Variants in ADGRV1 observed in about 807,000 individuals in gnomAD.
ADGRV1 encodes the protein G-protein coupled receptor 98.
ADGRV1 carries 359 observed loss-of-function variants against 596.2 expected under a neutral mutation model. That is an observed-to-expected ratio of 0.60 (90% CI 0.55 to 0.66). The LOEUF (loss-of-function observed/expected upper bound fraction) is 0.66. ADGRV1 is among the 30% of genes least tolerant of loss of function. ADGRV1 has a pLI of 0.00. For missense variants in ADGRV1, 7,274 were observed against 7,575.6 expected (o/e 0.96, Z 1.48); for synonymous variants, 2,681 against 2,679.2 (o/e 1.00, Z -0.02).
chr5:90,796,520 G>A (rs1256310681), intron 70 of ADGRV1, among the ~76,000 whole-genome samples: 3 of 152,200 alleles, frequency 2.0e-5, no homozygotes, highest in Non-Finnish European at 4.4e-5. Flanking sequence ...AAGTGACAGG[G>A]AGAATGGAAC....
intron 74 of ADGRV1, among the ~76,000 whole-genome samples, chr5:90,814,827 C>T (rs1326569617): frequency 4.6e-5 from 7 of 152,216 alleles, no homozygotes; most frequent in African/African-American, 1.7e-4. Flanking sequence ...GCTTTAGGAT[C>T]ATTGCTTCTA....
intron 87 of ADGRV1, among the ~76,000 whole-genome samples, chr5:91,105,421 T>A (rs1203294351): frequency 6.6e-6 from 1 of 152,224 alleles, no homozygotes; most frequent in African/African-American, 2.4e-5. Context: ...CATACTGTTC[T>A]CCATAGTGGT....
At chr5:90,843,439 G>GA (rs34512165) in intron 78 of ADGRV1, among the ~76,000 whole-genome samples, 147,921 of 152,282 alleles carry the variant, frequency 0.97, 71,969 homozygotes, top group East Asian at 1. Context: ...AAATAGTGTT[G>GA]GATGGCTGAT....
In ADGRV1 at chr5:90,823,557, A is replaced by G. The variant is rs1763799894; in HGVS notation, c.16329A>G (p.Gln5443=). ...GGACCACAACCTGTACAATGGGTCAAACAAAATGCTTTATCAGCATTGAAC... is the reference window on the plus strand; with the variant it reads ...GGACCACAACCTGTACAATGGGTCAGACAAAATGCTTTATCAGCATTGAAC... The part of the protein sequence containing the change: ...VSGTTTCTMG[Q]TKCFISIELK... Residue 5443 remains glutamine, a synonymous_variant, in exon 76 of 90, where the codon CAA becomes CAG. Transcript: ENST00000405460. 6.2e-7 allele frequency: 1 copy of G among 1,613,898 alleles called. No individual in the cohort carries two copies. Among genetic ancestry groups the G allele is most frequent in the Non-Finnish European group, 8.5e-7 (1 of 1,179,896 alleles).
At chr5:91,123,355 T>A (rs1793487454) in intron 87 of ADGRV1, among the ~76,000 whole-genome samples, 1 of 152,180 alleles carries the variant, frequency 6.6e-6, no homozygotes, top group Admixed American at 6.5e-5. Context: ...GGCTGGGACG[T>A]CCAAGATCAA....
chr5:90,933,351 G>T (rs1775417784), intron 83 of ADGRV1, among the ~76,000 whole-genome samples: 1 of 152,200 alleles, frequency 6.6e-6, no homozygotes, highest in South Asian at 2.1e-4. Flanking sequence ...CAAGGAAAAT[G>T]TATCTGAGAA....
chr5:90,698,109 A>G (rs1747437892), intron 34 of ADGRV1, among the ~76,000 whole-genome samples: 1 of 152,130 alleles, frequency 6.6e-6, no homozygotes, highest in African/African-American at 2.4e-5. Context: ...CTCTACTTTT[A>G]TTAACGGTTT....
chr5:91,139,592 CTT>C (rs1191088695), intron 87 of ADGRV1, among the ~76,000 whole-genome samples: 1 of 152,180 alleles, frequency 6.6e-6, no homozygotes, highest in East Asian at 1.9e-4. Context: ...GCTATATAGT[CTT>C]TTGCTCTGAA....
At chr5:90,877,719 A>AT (rs1056284095) in intron 83 of ADGRV1, among the ~76,000 whole-genome samples, 2 of 151,434 alleles carry the variant, frequency 1.3e-5, no homozygotes, top group African/African-American at 4.9e-5. Flanking sequence ...TGTAAGGTAT[A>AT]TTTTTTCAAT....
intron 83 of ADGRV1, among the ~76,000 whole-genome samples, chr5:90,870,701 A>G (rs948108964): frequency 6.6e-6 from 1 of 152,218 alleles, no homozygotes; most frequent in Non-Finnish European, 1.5e-5. Flanking sequence ...CAATCAAAGC[A>G]CAGGAAGTGG....
At chr5:91,138,199 C>G (rs1345443844) in intron 87 of ADGRV1, among the ~76,000 whole-genome samples, 1 of 150,768 alleles carries the variant, frequency 6.6e-6, no homozygotes, top group African/African-American at 2.4e-5. Flanking sequence ...AAAGTGCTTA[C>G]ATGTGAAAGC....
intron 83 of ADGRV1, among the ~76,000 whole-genome samples, chr5:90,920,704 A>C (rs1048467133): frequency 7.2e-5 from 11 of 152,176 alleles, no homozygotes; most frequent in African/African-American, 2.4e-4. Flanking sequence ...TCTCCTCATT[A>C]TAAGGCAATT....
At chr5:90,705,059 C>T (rs1256782404) in intron 36 of ADGRV1, among the ~76,000 whole-genome samples, 1 of 152,136 alleles carries the variant, frequency 6.6e-6, no homozygotes, top group East Asian at 1.9e-4. Context: ...CCGCCTGTCT[C>T]GCCCTCCCAA....
At chr5:90,876,906 A>G (rs1472727578) in intron 83 of ADGRV1, among the ~76,000 whole-genome samples, 2 of 152,212 alleles carry the variant, frequency 1.3e-5, no homozygotes, top group African/African-American at 2.4e-5. Flanking sequence ...TGTAAAATAT[A>G]GTAATGACAT....
intron 45 of ADGRV1, among the ~76,000 whole-genome samples, chr5:90,722,883 G>C (rs1240251479): frequency 6.6e-6 from 1 of 151,958 alleles, no homozygotes; most frequent in Non-Finnish European, 1.5e-5. Flanking sequence ...ACTATAGACT[G>C]AACTATAAGA....
chr5:90,904,903 GA>G (rs1772175066), intron 83 of ADGRV1, among the ~76,000 whole-genome samples: 1 of 140,046 alleles, frequency 7.1e-6, no homozygotes, highest in Non-Finnish European at 1.5e-5. Context: ...ATTTTGATTT[GA>G]TTTTTTTTAT....
chr5:90,708,786 A>G (rs369613278), intron 38 of ADGRV1, 30 bp from the exon 39 acceptor site: 4 of 1,384,190 alleles, frequency 2.9e-6, no homozygotes, highest in Admixed American at 1.7e-5. Context: ...GAGTATAACT[A>G]AAGGAATTTA....
At chr5:90,802,569 A>T (rs961662002) in intron 70 of ADGRV1, among the ~76,000 whole-genome samples, 170 bp from the exon 71 acceptor site, 2 of 151,978 alleles carry the variant, frequency 1.3e-5, no homozygotes, top group African/African-American at 4.8e-5. Flanking sequence ...TCCACTCCTT[A>T]TCTCACACCC....
chr5:90,967,919 T>C (rs910778051), intron 84 of ADGRV1, among the ~76,000 whole-genome samples: 2 of 152,204 alleles, frequency 1.3e-5, no homozygotes, highest in Admixed American at 1.3e-4. Flanking sequence ...TTGATAGCAG[T>C]ATGGAAGCAG....
Sources: allele counts gnomAD v4.1 joint callset (sites outside exome capture counted in the v4.1 genomes callset), GRCh38; gene constraint gnomAD v4.1.1; transcripts MANE v1.5; gene names NCBI Gene and HGNC (gene_info 2026-07-23, HGNC 2026-07-21).